Variants in DPY19L2 observed in about 807,000 individuals in gnomAD.
DPY19L2 encodes probable C-mannosyltransferase DPY19L2.
DPY19L2 carries 34 observed loss-of-function variants against 97.9 expected under a neutral mutation model. The ratio of observed to expected loss-of-function variants is 0.35; its 90% confidence interval spans 0.26 to 0.46. The LOEUF is 0.46. DPY19L2 is among the 20% of genes least tolerant of loss of function. DPY19L2 has a pLI of 1.00. For missense variants in DPY19L2, 623 were observed against 911.4 expected, an observed-to-expected ratio of 0.68 and a Z score of 4.07; for synonymous variants, 230 against 307.9, an observed-to-expected ratio of 0.75 and a Z score of 2.65.
intron 6 of DPY19L2, among the ~76,000 whole-genome samples, chr12:63,632,662 G>T (rs2137963349): frequency 6.6e-6 from 1 of 152,212 alleles, no homozygotes; most frequent in Middle Eastern, 3.4e-3. Context: ...TAGATTCAAT[G>T]GAATCCCCAT....
At chr12:63,605,532 C>T (rs559746676) in intron 12 of DPY19L2, among the ~76,000 whole-genome samples, 101 of 152,102 alleles carry the variant, frequency 6.6e-4, no homozygotes, top group Non-Finnish European at 1.0e-3. Flanking sequence ...TACACACACA[C>T]GTGTGCACAC....
intron 4 of DPY19L2, among the ~76,000 whole-genome samples, chr12:63,657,964 T>C (rs1435651423): frequency 6.6e-6 from 1 of 152,174 alleles, no homozygotes; most frequent in East Asian, 1.9e-4. Flanking sequence ...GCACCTGTCC[T>C]TCTTGAAATT....
At chr12:63,654,649 T>C (rs1894722725) in intron 4 of DPY19L2, among the ~76,000 whole-genome samples, 1 of 152,068 alleles carries the variant, frequency 6.6e-6, no homozygotes, top group South Asian at 2.1e-4. Flanking sequence ...GAATTTATCA[T>C]ACACACAGTA....
At chr12:63,657,794 GC>G (rs1294111831) in intron 4 of DPY19L2, among the ~76,000 whole-genome samples, 1 of 152,136 alleles carries the variant, frequency 6.6e-6, no homozygotes, top group African/African-American at 2.4e-5. Context: ...GACAGAGCCT[GC>G]TCACCTTCAC....
At chr12:63,632,660 A>T (rs1212735875) in intron 6 of DPY19L2, among the ~76,000 whole-genome samples, 1 of 152,180 alleles carries the variant, frequency 6.6e-6, no homozygotes, top group Admixed American at 6.5e-5. Context: ...TATAGATTCA[A>T]TGGAATCCCC....
chr12:63,615,008 C>T (rs1473326294), intron 11 of DPY19L2, among the ~76,000 whole-genome samples: 8 of 152,078 alleles, frequency 5.3e-5, no homozygotes, highest in Non-Finnish European at 7.4e-5. Flanking sequence ...CCTGGAAAAA[C>T]TTGTCATACA....
At chr12:63,630,386 T>C (rs1473999715) in intron 6 of DPY19L2, among the ~76,000 whole-genome samples, 2 of 151,320 alleles carry the variant, frequency 1.3e-5, no homozygotes, top group South Asian at 2.1e-4. Flanking sequence ...ACCAAGCAAA[T>C]GGAAAACAAA....
rs919863479 is a variant in DPY19L2 at position 63,560,037 on chromosome 12, T to C, written c.*475A>G. The C allele has an allele frequency of 6.6e-6, 1 of 152,654 alleles. No individual in the cohort carries two copies. The highest frequency in any genetic ancestry group is 1.5e-5 in the Non-Finnish European group (1 of 68,396). The allele number at this position is 152,654 out of a possible 1,614,324, so 9.5% of individuals were successfully genotyped here. The stretch of plus-strand genomic sequence containing the variant: ...CACCTTAAAAGACACACTGTTACAA[T>C]TTCCTCACAGAGGTAAAGAGGCTGT... On this transcript the variant is annotated 3_prime_UTR_variant, in exon 22 of 22. Coordinates refer to ENST00000324472, the MANE Select transcript of DPY19L2 (RefSeq NM_173812.5).
At chr12:63,601,334 G>GTGT (rs4044889) in intron 12 of DPY19L2, among the ~76,000 whole-genome samples, 89,050 of 151,380 alleles carry the variant, frequency 0.59, 26,806 homozygotes, top group African/African-American at 0.74. Context: ...TGAGGCTTCT[G>GTGT]TGTTGTTGTT....
At position 63,668,243 on chromosome 12, in the gene DPY19L2, A is replaced by G. The variant is rs10878073; in HGVS notation, c.151T>C (p.Ser51Pro). 1.2e-6 allele frequency: 2 copies of G among 1,613,542 alleles called. No individual in the cohort carries two copies. Among genetic ancestry groups the G allele is most frequent in the Admixed American group, 3.3e-5 (2 of 59,992 alleles). Residue 51 changes from serine to proline, a missense_variant, in exon 1 of 22, where the codon TCC (serine) becomes CCC (proline). This residue lies in a region of DPY19L2 where 144 missense variants were observed against 119.4 expected (regional missense o/e 1.21). Transcript: ENST00000324472. ...ALGGGKLPRG[S>P]WRSSPGRIQS... ...ATCCTCCCCGGGGAGGACCTCCAGG[A>G]GCCCCTTGGCAGTTTCCCGCCGCCT...
chr12:63,668,376 T>A lies in DPY19L2; in HGVS notation c.18A>T (p.Val6=), dbSNP rs761321836. The part of the protein sequence containing the change: MRKQG[V]SSKRLQSSGR... Reference sequence around the variant, plus strand: ...CGGAAGATTGCAGCCGCTTTGAGCTTACTCCTTGTTTTCTCATAATCAAGG... The same window carrying A: ...CGGAAGATTGCAGCCGCTTTGAGCTAACTCCTTGTTTTCTCATAATCAAGG... Residue 6 remains valine, a synonymous_variant, in exon 1 of 22, where the codon GTA becomes GTT. Coordinates refer to ENST00000324472, the MANE Select transcript of DPY19L2 (RefSeq NM_173812.5). 1.6e-5 allele frequency: 26 copies of A among 1,612,242 alleles called. No homozygotes were observed. The highest frequency in any genetic ancestry group is 3.3e-5 in the South Asian group (3 of 90,922).
At chr12:63,668,521 G>A (rs948296026), upstream of DPY19L2, 5 of 979,358 alleles carry the variant, frequency 5.1e-6, no homozygotes, top group East Asian at 2.6e-5. Flanking sequence ...CGGACCTCCC[G>A]GTCGTCATGG....
chr12:63,610,863 A>ACC (rs1565762237), intron 11 of DPY19L2, among the ~76,000 whole-genome samples: 1 of 100,560 alleles, frequency 9.9e-6, no homozygotes, highest in Non-Finnish European at 2.1e-5. Context: ...AAAAAAAAAA[A>ACC]AAAAAAAAAA....
chr12:63,613,794 A>C (rs987141515), intron 11 of DPY19L2, among the ~76,000 whole-genome samples: 1 of 152,138 alleles, frequency 6.6e-6, no homozygotes, highest in African/African-American at 2.4e-5. Flanking sequence ...AATAAGATAA[A>C]AAGTATTCAA....
In DPY19L2 at chr12:63,570,702, C is replaced by T. The variant is rs566259892; in HGVS notation, c.2000+56G>A. ...GTGTGTGTGTAAAATTTTCCCAATT[C>T]CTAAGAATTGGGAGTTGCCAAGTGA... On this transcript the variant is annotated intron_variant, in intron 20 of 21. Coordinates refer to ENST00000324472, the MANE Select transcript of DPY19L2 (RefSeq NM_173812.5). 9.6e-5 allele frequency: 131 copies of T among 1,367,654 alleles called. 1 individual carries two copies. The South Asian group carries it at 1.5e-3, about 15-fold the overall frequency. The allele number at this position is 1,367,654 out of a possible 1,614,324, so 84.7% of individuals were successfully genotyped here.
At chr12:63,564,163 T>G (rs1877186310) in intron 21 of DPY19L2, among the ~76,000 whole-genome samples, 1 of 152,140 alleles carries the variant, frequency 6.6e-6, no homozygotes, top group Non-Finnish European at 1.5e-5. Context: ...TTTATCAATT[T>G]TATTAATCTT....
chr12:63,587,557 A>AATTATT (rs201195590), intron 16 of DPY19L2, among the ~76,000 whole-genome samples: 21,306 of 135,976 alleles, frequency 0.16, 1,963 homozygotes, highest in Middle Eastern at 0.22. Context: ...CATTTTTAAA[A>AATTATT]ATTATTATTA....
At chr12:63,653,452 G>A (rs976123914) in intron 4 of DPY19L2, among the ~76,000 whole-genome samples, 6 of 152,034 alleles carry the variant, frequency 3.9e-5, no homozygotes, top group African/African-American at 1.4e-4. Context: ...GGAGGCTGAG[G>A]TGGGCAGATC....
At chr12:63,647,446 G>T (rs1893573617) in intron 4 of DPY19L2, 81 bp from the exon 5 acceptor site, 2 of 467,920 alleles carry the variant, frequency 4.3e-6, no homozygotes, top group East Asian at 1.5e-4. Flanking sequence ...ATATACCATG[G>T]AATACTATGC....
Sources: gnomAD v4.1 joint callset for allele counts (sites outside exome capture counted in the v4.1 genomes callset) on GRCh38, gnomAD v4.1.1 for gene constraint, gnomAD v4.1.1 regional missense constraint, MANE v1.5 for transcripts, NCBI Gene and HGNC (gene_info 2026-07-23, HGNC 2026-07-21) for gene names.